The following SAMD12 variants were observed in gnomAD, a reference collection of about 807,000 sequenced individuals.
SAMD12 encodes the protein sterile alpha motif domain containing 12, also known as sterile alpha motif domain-containing protein 12.
In SAMD12, 9 loss-of-function variants were observed where a neutral mutation model predicts 15.0. That is an observed-to-expected ratio of 0.60 (90% CI 0.36 to 1.05). SAMD12 has a LOEUF of 1.05. SAMD12 is among the 50% of genes least tolerant of loss of function. The probability of loss-of-function intolerance (pLI) is 0.01; values close to 1 mark genes in which losing one functional copy is unlikely to be tolerated. For missense variants in SAMD12, 230 were observed against 234.2 expected (o/e 0.98, Z 0.12); for synonymous variants, 86 against 90.1 (o/e 0.96, Z 0.25).
chr8:118,151,435 AATGCTCT>A, the SAMD12 span, among the ~76,000 whole-genome samples: 1 of 152,192 alleles, frequency 6.6e-6, no homozygotes, highest in Non-Finnish European at 1.5e-5. Flanking sequence ...ACCTCTCAGT[AATGCTCT>A]ATTCATTTTT....
At chr8:118,142,611 C>T in the SAMD12 span, among the ~76,000 whole-genome samples, 1 of 152,340 alleles carries the variant, frequency 6.6e-6, no homozygotes, top group Middle Eastern at 3.4e-3. Flanking sequence ...AGAGTATTTG[C>T]TTCCTGCTAT....
rs142032890 is a variant in SAMD12 at position 118,609,683 on chromosome 8, C to A, written c.13+12121G>T. Among the ~76,000 whole-genome samples, 84 of 152,328 alleles carry A rather than the reference C, an allele frequency of 5.5e-4. 1 individual carries two copies. The highest frequency in any genetic ancestry group is 2.0e-3 in the African/African-American group (82 of 41,568). On this transcript the variant is annotated intron_variant, in intron 1 of 3. Transcript: ENST00000314727. ...TGTTCGTTTATCTTCCCTTATCACC[C>A]TATTATTACATTACTTCAGCTTCCC...
the SAMD12 span, among the ~76,000 whole-genome samples, chr8:118,177,153 G>A: frequency 1.3e-5 from 2 of 152,116 alleles, no homozygotes; most frequent in South Asian, 4.1e-4. Flanking sequence ...TGGAGAGGCA[G>A]TTGGTAGCAG....
At chr8:118,255,494 TCCCTCCC>T (rs1159376952) in intron 4 of SAMD12, among the ~76,000 whole-genome samples, 1 of 110,398 alleles carries the variant, frequency 9.1e-6, no homozygotes, top group East Asian at 3.3e-4. Context: ...CCTAATGCTA[TCCCTCCC>T]CCCTCCCCCC....
chr8:118,134,767 T>C, the SAMD12 span, among the ~76,000 whole-genome samples: 3 of 152,350 alleles, frequency 2.0e-5, no homozygotes, highest in Admixed American at 6.5e-5. Context: ...TTAATCTTCA[T>C]TAGTCTTCCA....
intron 4 of SAMD12, among the ~76,000 whole-genome samples, chr8:118,229,782 C>T (rs1443926631): frequency 1.3e-5 from 2 of 152,116 alleles, no homozygotes; most frequent in Admixed American, 1.3e-4. Context: ...TAGAATTCCC[C>T]TATAAGAAGA....
intron 1 of SAMD12, chr8:118,621,511 C>A: frequency 2.1e-6 from 1 of 486,796 alleles, no homozygotes; most frequent in Non-Finnish European, 3.7e-6. Context: ...ATGCCGGATC[C>A]TCCGGCTTTC....
chr8:118,513,115 G>C (rs1265477018), intron 2 of SAMD12, among the ~76,000 whole-genome samples: 1 of 151,874 alleles, frequency 6.6e-6, no homozygotes, highest in East Asian at 1.9e-4. Flanking sequence ...CTAGTAAATT[G>C]TCTTGGCAAA....
At chr8:118,512,197 T>C (rs905119831) in intron 2 of SAMD12, among the ~76,000 whole-genome samples, 1 of 152,214 alleles carries the variant, frequency 6.6e-6, no homozygotes, top group Non-Finnish European at 1.5e-5. Flanking sequence ...TTGAAGACTT[T>C]GGCGGAACTT....
chr8:118,474,743 A>C (rs1823905537), intron 2 of SAMD12, among the ~76,000 whole-genome samples: 1 of 151,908 alleles, frequency 6.6e-6, no homozygotes, highest in South Asian at 2.1e-4. Flanking sequence ...ATTCCCATCA[A>C]CCCAATAAGA....
intron 4 of SAMD12, among the ~76,000 whole-genome samples, chr8:118,201,023 A>G (rs1432604341): frequency 1.3e-5 from 2 of 152,074 alleles, no homozygotes; most frequent in Non-Finnish European, 2.9e-5. Flanking sequence ...CTTTCTATCA[A>G]TCACATCTGT....
intron 3 of SAMD12, among the ~76,000 whole-genome samples, chr8:118,415,373 A>G (rs1821630027): frequency 6.6e-6 from 1 of 152,028 alleles, no homozygotes; most frequent in Non-Finnish European, 1.5e-5. Flanking sequence ...ACCCTGTTGT[A>G]GTTAGGACTT....
In SAMD12 at chr8:118,427,703, T is replaced by C. The variant is rs190955061; in HGVS notation, c.322+12129A>G. The stretch of plus-strand genomic sequence containing the variant: ...CTCGTCTTGACTGATATAAGGGTTG[T>C]TTAGAATTTTTGGTTATTCTAATCT... On this transcript the variant is annotated intron_variant, in intron 3 of 3. Coordinates refer to ENST00000314727, the MANE Select transcript of SAMD12 (RefSeq NM_207506.3). Among the ~76,000 whole-genome samples the C allele has an allele frequency of 7.9e-4, 121 of 152,356 alleles. 1 individual carries two copies. In the East Asian group the frequency reaches 0.021, roughly 26 times the overall value.
chr8:118,232,676 CGT>C (rs373349974), intron 4 of SAMD12, among the ~76,000 whole-genome samples: 2 of 151,830 alleles, frequency 1.3e-5, no homozygotes, highest in South Asian at 4.2e-4. Flanking sequence ...TGCATGTGCA[CGT>C]GTGTGTGTGT....
chr8:118,369,364 A>G (rs1818962689), intron 4 of SAMD12, among the ~76,000 whole-genome samples: 1 of 152,182 alleles, frequency 6.6e-6, no homozygotes, highest in Admixed American at 6.5e-5. Flanking sequence ...TATGCAGAAA[A>G]TTGAAACTGG....
At chr8:118,198,980 ATTG>A (rs1435909770) in intron 4 of SAMD12, among the ~76,000 whole-genome samples, 2 of 152,190 alleles carry the variant, frequency 1.3e-5, no homozygotes, top group Non-Finnish European at 2.9e-5. Context: ...CCACTCTCTT[ATTG>A]TTGAAGATTT....
At chr8:118,595,100 T>A (rs979237619) in intron 1 of SAMD12, among the ~76,000 whole-genome samples, 2 of 152,196 alleles carry the variant, frequency 1.3e-5, no homozygotes, top group East Asian at 3.9e-4. Context: ...ATATCCCATA[T>A]CCCTCATGTT....
At chr8:118,207,731 G>C (rs554931755) in intron 4 of SAMD12, among the ~76,000 whole-genome samples, 43 of 151,422 alleles carry the variant, frequency 2.8e-4, no homozygotes, top group South Asian at 1.9e-3. Context: ...TCTCCTCTTT[G>C]CCTTTTGCTT....
At chr8:118,326,331 T>C (rs1183758849) in intron 4 of SAMD12, among the ~76,000 whole-genome samples, 4 of 152,114 alleles carry the variant, frequency 2.6e-5, no homozygotes, top group African/African-American at 9.7e-5. Context: ...TAGTGAAATG[T>C]CACCTCCTAA....
Sources: allele counts gnomAD v4.1 joint callset (sites outside exome capture counted in the v4.1 genomes callset), GRCh38; gene constraint gnomAD v4.1.1; transcripts MANE v1.5; gene names NCBI Gene and HGNC (gene_info 2026-07-23, HGNC 2026-07-21).